WDR20: variants seen among roughly 807,000 people sequenced by gnomAD.
The protein encoded by WDR20 is WD repeat domain 20, also known as WD repeat-containing protein 20.
A neutral mutation model predicts 38.7 loss-of-function variants in WDR20; 3 were observed. The ratio of observed to expected loss-of-function variants is 0.08; its 90% CI spans 0.04 to 0.20. WDR20 has a LOEUF of 0.20. WDR20 is among the 10% of genes least tolerant of loss of function. The pLI is 1.00. For missense variants in WDR20, 559 were observed against 727.7 expected (o/e 0.77, Z 2.67); for synonymous variants, 298 against 285.6 (o/e 1.04, Z -0.44).
At chr14:102,204,038 C>G (rs528130077) in intron 2 of WDR20, among the ~76,000 whole-genome samples, 2 of 152,260 alleles carry the variant, frequency 1.3e-5, no homozygotes, top group South Asian at 4.1e-4. Flanking sequence ...ACTGTGCTTC[C>G]CACACTGGCC....
chr14:102,186,157 C>T (rs907329318), intron 1 of WDR20, among the ~76,000 whole-genome samples: 7 of 152,226 alleles, frequency 4.6e-5, no homozygotes, highest in Non-Finnish European at 1.0e-4. Flanking sequence ...TCTTTACATA[C>T]TGTTAATGCC....
At chr14:102,159,345 C>T in intron 1 of WDR20, among the ~76,000 whole-genome samples, 1 of 152,122 alleles carries the variant, frequency 6.6e-6, no homozygotes, top group East Asian at 1.9e-4. Flanking sequence ...TTGTCTCAGC[C>T]CTCAAAGTGT....
chr14:102,166,199 G>A (rs1213914293), intron 1 of WDR20, among the ~76,000 whole-genome samples: 1 of 146,108 alleles, frequency 6.8e-6, no homozygotes, highest in South Asian at 2.2e-4. Context: ...AGCTGATCTC[G>A]AACTCCTGAG....
Position 102,209,856 on chromosome 14 carries a change from TA to T in WDR20, c.1689del (p.Val564TrpfsTer2), listed in dbSNP as rs1290477661. The part of the protein sequence containing the change: ...GFICTWGRPG[K>X]VVSFNP Reference sequence around the variant, plus strand: ...TTATTTGCACATGGGGAAGGCCTGGTAAAGTGGTAAGTTTTAATCCTTAATG... The same window carrying T: ...TTATTTGCACATGGGGAAGGCCTGGTAAGTGGTAAGTTTTAATCCTTAATG... On this transcript the variant is annotated frameshift_variant, in exon 3 of 3. Transcript: ENST00000342702. LOFTEE classifies it high-confidence loss of function. The surrounding 1 kb of genome is among the most constrained non-coding windows in gnomAD (Gnocchi z 6.0). 1 of 1,611,740 alleles carries T rather than the reference TA, an allele frequency of 6.2e-7. No individual in the cohort carries two copies. Among genetic ancestry groups the T allele is most frequent in the Non-Finnish European group, 8.5e-7 (1 of 1,178,762 alleles).
chr14:102,188,025 T>TCTCA (rs2065292470), intron 1 of WDR20, among the ~76,000 whole-genome samples: 1 of 152,200 alleles, frequency 6.6e-6, no homozygotes, highest in African/African-American at 2.4e-5. Flanking sequence ...CTTAGGTGAT[T>TCTCA]CTCAGGTGGG....
chr14:102,204,921 G>A (rs1212766723), intron 2 of WDR20, among the ~76,000 whole-genome samples: 1 of 152,150 alleles, frequency 6.6e-6, no homozygotes, highest in Admixed American at 6.5e-5. Context: ...GAATGAGGAT[G>A]CTGTCTTTGT....
At chr14:102,143,811 G>T (rs926334995) in intron 1 of WDR20, among the ~76,000 whole-genome samples, 5 of 151,724 alleles carry the variant, frequency 3.3e-5, no homozygotes, top group Non-Finnish European at 7.4e-5. Context: ...CCAAAGTGCT[G>T]GGATTACAGG....
downstream of WDR20, among the ~76,000 whole-genome samples, chr14:102,217,967 C>T (rs534183026): frequency 1.6e-4 from 25 of 152,366 alleles, no homozygotes; most frequent in Non-Finnish European, 2.5e-4. Context: ...GGGCTACGTG[C>T]AGGGCCAAGG....
At chr14:102,139,510 G>A (rs2050194214), upstream of WDR20, 1 of 1,239,864 alleles carries the variant, frequency 8.1e-7, no homozygotes, top group East Asian at 2.6e-5. Context: ...AGGGCAGGGC[G>A]GGAGACCGCT....
intron 2 of WDR20, among the ~76,000 whole-genome samples, chr14:102,205,325 G>GGA (rs2061333518): frequency 6.6e-6 from 1 of 151,854 alleles, no homozygotes; most frequent in African/African-American, 2.4e-5. Flanking sequence ...TGCTCCCTTT[G>GGA]GTATGAAAAA....
At chr14:102,212,841 G>A (rs558716298), downstream of WDR20, 394 of 1,296,488 alleles carry the variant, frequency 3.0e-4, no homozygotes, top group Middle Eastern at 6.1e-3. Flanking sequence ...CAGCCTAAAC[G>A]TTATTATGAG....
chr14:102,176,514 T>C (rs975013039), intron 1 of WDR20, among the ~76,000 whole-genome samples: 5 of 152,114 alleles, frequency 3.3e-5, no homozygotes, highest in African/African-American at 7.2e-5. Flanking sequence ...CTGGCTAACA[T>C]GGTGAAACCC....
chr14:102,190,286 G>A (rs1327420827), intron 1 of WDR20, among the ~76,000 whole-genome samples: 1 of 152,282 alleles, frequency 6.6e-6, no homozygotes. Flanking sequence ...TAGGCCAGGC[G>A]CAGTGGCTCA....
chr14:102,212,183 C>G (rs1284694605), downstream of WDR20, among the ~76,000 whole-genome samples: 2 of 152,188 alleles, frequency 1.3e-5, no homozygotes, highest in Non-Finnish European at 2.9e-5. Flanking sequence ...GTGTGTCTTT[C>G]TCCCCCCACC....
At chr14:102,145,301 A>G (rs2053201961) in intron 1 of WDR20, among the ~76,000 whole-genome samples, 1 of 152,226 alleles carries the variant, frequency 6.6e-6, no homozygotes, top group South Asian at 2.1e-4. Flanking sequence ...ATATCTTTTA[A>G]AAGACATTTA....
intron 2 of WDR20, among the ~76,000 whole-genome samples, chr14:102,199,105 C>G (rs2059886807): frequency 6.6e-6 from 1 of 152,116 alleles, no homozygotes; most frequent in African/African-American, 2.4e-5. Context: ...CTACTGCTTT[C>G]AAAGGGGCAC....
At chr14:102,189,347 A>G (rs996891657) in intron 1 of WDR20, among the ~76,000 whole-genome samples, 8 of 152,150 alleles carry the variant, frequency 5.3e-5, no homozygotes, top group African/African-American at 1.9e-4. Context: ...ATCACTTAAA[A>G]TTTTTCTATT....
In WDR20 at chr14:102,152,089, A is replaced by AT. The variant is rs545597757; in HGVS notation, c.249+11924dup. ...GGCACCATGCCCGGCTAATTTCTGT[A>AT]TTTTTTTATAGAGACAGGGTTTCAC... On this transcript the variant is annotated intron_variant, in intron 1 of 2. Coordinates refer to ENST00000342702, the MANE Select transcript of WDR20 (RefSeq NM_144574.4). Among the ~76,000 whole-genome samples the AT allele has an allele frequency of 1.6e-3, 242 of 151,446 alleles. 1 individual carries two copies. In the South Asian group the frequency reaches 0.048, roughly 30 times the overall value.
Position 102,195,045 on chromosome 14 carries a change from A to G in WDR20, c.357A>G (p.Leu119=). Reference sequence around the variant, plus strand: ...CCACAGCAGAAAGTGTCTCTCTCCTAGTGGGCTTTTCCGCAGGCCAAGTCC... The same window carrying G: ...CCACAGCAGAAAGTGTCTCTCTCCTGGTGGGCTTTTCCGCAGGCCAAGTCC... ...LTATAESVSL[L]VGFSAGQVQL... Residue 119 remains leucine, a synonymous_variant, in exon 2 of 3, where the codon CTA becomes CTG. Transcript: ENST00000342702. The G allele has an allele frequency of 6.2e-7, 1 of 1,614,252 alleles. No individual in the cohort carries two copies. The highest frequency in any genetic ancestry group is 8.5e-7 in the Non-Finnish European group (1 of 1,180,044).
Sources: gnomAD v4.1 joint callset for allele counts (sites outside exome capture counted in the v4.1 genomes callset) on GRCh38, gnomAD v4.1.1 for gene constraint, Gnocchi (gnomAD v3.1) non-coding constraint, MANE v1.5 for transcripts, NCBI Gene and HGNC (gene_info 2026-07-23, HGNC 2026-07-21) for gene names.